Variants in ITGA8 observed in about 807,000 individuals in gnomAD.
ITGA8 encodes the protein integrin subunit alpha 8.
Under a neutral mutation model 142.3 loss-of-function variants are expected in ITGA8, and 91 were observed. The observed-to-expected ratio is 0.64, with a 90% CI of 0.54 to 0.76. The LOEUF (loss-of-function observed/expected upper bound fraction) is 0.76. Ranked by LOEUF, ITGA8 falls within the 30% of genes least tolerant of loss-of-function variation. ITGA8 has a pLI of 0.00. For synonymous variants in ITGA8, 505 were observed against 485.2 expected, an observed-to-expected ratio of 1.04 and a Z score of -0.54; for missense variants, 1,406 against 1,327.7, an observed-to-expected ratio of 1.06 and a Z score of -0.92.
chr10:15,608,372 C>T (rs997028431), intron 15 of ITGA8, 82 bp from the exon 16 acceptor site: 96 of 759,886 alleles, frequency 1.3e-4, no homozygotes, highest in Non-Finnish European at 4.1e-5. Context: ...TCCCAGATAA[C>T]GAATATCATT....
chr10:15,561,786 T>C (rs1833987191), intron 25 of ITGA8, among the ~76,000 whole-genome samples: 1 of 152,108 alleles, frequency 6.6e-6, no homozygotes, highest in South Asian at 2.1e-4. Flanking sequence ...TGGGGTGGTG[T>C]ATTAGTCCAT....
intron 25 of ITGA8, among the ~76,000 whole-genome samples, chr10:15,562,067 A>G (rs1034039182): frequency 1.3e-5 from 2 of 152,178 alleles, no homozygotes; most frequent in African/African-American, 4.8e-5. Context: ...CCGTGATCCA[A>G]TTACCTCCAC....
intron 14 of ITGA8, among the ~76,000 whole-genome samples, chr10:15,615,811 G>A (rs1343062136): frequency 6.6e-6 from 1 of 152,082 alleles, no homozygotes; most frequent in African/African-American, 2.4e-5. Flanking sequence ...ACCGTGTCCT[G>A]CCATAAAACT....
rs556152534 is a variant in ITGA8, at chr10:15,661,439, G to T, written c.848-517C>A. 3.9e-5 allele frequency among the ~76,000 whole-genome samples: 6 copies of T among 152,282 alleles called. No homozygotes were observed. In the South Asian group the frequency reaches 1.2e-3, roughly 32 times the overall value. ...AGAGGGTTGGAAGTTTGAAGCCAGG[G>T]CTTTGCGTTTACTGTTCCATTAGCT... On this transcript the variant is annotated intron_variant, in intron 8 of 29. Coordinates refer to ENST00000378076, the MANE Select transcript of ITGA8 (RefSeq NM_003638.3).
chr10:15,677,111 T>G (rs1253277232), intron 6 of ITGA8, among the ~76,000 whole-genome samples: 1 of 151,948 alleles, frequency 6.6e-6, no homozygotes, highest in Non-Finnish European at 1.5e-5. Context: ...AAGTAGAGAG[T>G]GGAAAAGTGG....
intron 28 of ITGA8, among the ~76,000 whole-genome samples, chr10:15,528,945 C>T (rs1833233208): frequency 6.6e-6 from 1 of 150,776 alleles, no homozygotes; most frequent in African/African-American, 2.4e-5. Flanking sequence ...CTTTCTTCTC[C>T]CTTCCTTCCT....
At chr10:15,710,153 A>T (rs1415417398) in intron 2 of ITGA8, among the ~76,000 whole-genome samples, 4 of 152,238 alleles carry the variant, frequency 2.6e-5, no homozygotes, top group Admixed American at 2.6e-4. Flanking sequence ...TGCATGAGAA[A>T]AAAACAGTTT....
At chr10:15,553,846 A>G (rs919601537) in intron 26 of ITGA8, among the ~76,000 whole-genome samples, 1 of 152,076 alleles carries the variant, frequency 6.6e-6, no homozygotes, top group Non-Finnish European at 1.5e-5. Context: ...ACAAAAAATT[A>G]GCCAGGTGTG....
intron 27 of ITGA8, among the ~76,000 whole-genome samples, chr10:15,538,684 C>T (rs1833505463): frequency 6.6e-6 from 1 of 151,922 alleles, no homozygotes; most frequent in South Asian, 2.1e-4. Context: ...AAGTTTATGA[C>T]AAATTGTTAA....
chr10:15,561,907 T>C (rs552000131), intron 25 of ITGA8, among the ~76,000 whole-genome samples: 1 of 152,272 alleles, frequency 6.6e-6, no homozygotes, highest in East Asian at 1.9e-4. Flanking sequence ...CTTACAATCA[T>C]GGCAGAAGGT....
intron 8 of ITGA8, among the ~76,000 whole-genome samples, chr10:15,667,731 T>C (rs1481959055): frequency 2.0e-5 from 3 of 152,096 alleles, no homozygotes; most frequent in Non-Finnish European, 4.4e-5. Context: ...TTTGTTCTCG[T>C]TGGTTTCAAA....
intron 12 of ITGA8, among the ~76,000 whole-genome samples, chr10:15,646,492 T>C (rs529410000): frequency 6.6e-6 from 1 of 152,296 alleles, no homozygotes; most frequent in African/African-American, 2.4e-5. Context: ...CATTGCTTAA[T>C]GAGGTTTTTC....
chr10:15,698,432 T>G (rs1487077651), intron 2 of ITGA8, among the ~76,000 whole-genome samples: 1 of 152,226 alleles, frequency 6.6e-6, no homozygotes, highest in African/African-American at 2.4e-5. Context: ...TACCTAGTAC[T>G]GGGATTGCTG....
chr10:15,662,658 A>G (rs1018878908), intron 8 of ITGA8, among the ~76,000 whole-genome samples: 6 of 152,098 alleles, frequency 3.9e-5, no homozygotes, highest in African/African-American at 7.2e-5. Flanking sequence ...TTAATAATCA[A>G]TATAATCAGG....
intron 26 of ITGA8, among the ~76,000 whole-genome samples, chr10:15,549,094 A>G (rs1239417121): frequency 6.6e-6 from 1 of 152,062 alleles, no homozygotes; most frequent in Non-Finnish European, 1.5e-5. Context: ...TGCCCAGCGT[A>G]TAATGAATAA....
chr10:15,677,547 T>A (rs1834653321), intron 6 of ITGA8, 45 bp downstream of exon 6: 1 of 1,539,076 alleles, frequency 6.5e-7, no homozygotes, highest in Non-Finnish European at 8.9e-7. Context: ...CATCCTTCTG[T>A]TAGTAACAAC....
In ITGA8 at chr10:15,719,815, C is replaced by G. The variant is rs1190854019; in HGVS notation, c.-44G>C. ...GTGGCTGCTACCCAGGAGCGCGAGC[C>G]GAGGACCCCTGCGGGGCAAGGGGGG... is the stretch of plus-strand genomic sequence containing the variant. On this transcript the variant is annotated 5_prime_UTR_variant, in exon 1 of 30. Transcript: ENST00000378076. The G allele has an allele frequency of 1.5e-6, 2 of 1,296,446 alleles. No individual in the cohort carries two copies. The highest frequency in any genetic ancestry group is 2.9e-4 in the Middle Eastern group (1 of 3,504). 80.3% of individuals were successfully genotyped at this position (1,296,446 alleles called of 1,614,324 possible). A position where few individuals can be genotyped will look rare whatever the true frequency, so the allele number is the denominator to read the frequency against.
At chr10:15,553,177 A>T (rs182696998) in intron 26 of ITGA8, among the ~76,000 whole-genome samples, 2 of 152,250 alleles carry the variant, frequency 1.3e-5, no homozygotes, top group African/African-American at 4.8e-5. Context: ...GGATCACTTG[A>T]ATCCGGGAGG....
chr10:15,641,115 G>A (rs894755121), intron 13 of ITGA8, among the ~76,000 whole-genome samples: 15 of 152,054 alleles, frequency 9.9e-5, no homozygotes, highest in African/African-American at 3.4e-4. Context: ...GTGCAGTGGC[G>A]CGATATCGGC....
Sources: gnomAD v4.1 joint callset for allele counts (sites outside exome capture counted in the v4.1 genomes callset) on GRCh38, gnomAD v4.1.1 for gene constraint, MANE v1.5 for transcripts, NCBI Gene and HGNC (gene_info 2026-07-23, HGNC 2026-07-21) for gene names.